The following SLC5A3 variants were observed in gnomAD, a reference collection of about 807,000 sequenced individuals.
The protein encoded by SLC5A3 is sodium/myo-inositol cotransporter.
A neutral mutation model predicts 43.2 loss-of-function variants in SLC5A3; 10 were observed. The observed-to-expected ratio is 0.23, with a 90% CI of 0.14 to 0.39. The LOEUF (loss-of-function observed/expected upper bound fraction) is 0.39, where lower values mean the gene tolerates loss of function less well. SLC5A3 is among the 10% of genes least tolerant of loss of function. SLC5A3 has a pLI of 1.00. For synonymous variants in SLC5A3, 349 were observed against 322.0 expected, an observed-to-expected ratio of 1.08 and a Z score of -0.90; for missense variants, 608 against 893.4, an observed-to-expected ratio of 0.68 and a Z score of 4.07.
chr21:34,088,108 CTGTGAGAACCCTTGCATT>C (rs1470110220), intron 1 of SLC5A3, among the ~76,000 whole-genome samples: 2 of 152,330 alleles, frequency 1.3e-5, no homozygotes, highest in East Asian at 3.9e-4. Context: ...ATAAATTTTA[CTGTGAGAACCCTTGCATT>C]TGTAGATTGT....
intron 1 of SLC5A3, among the ~76,000 whole-genome samples, chr21:34,078,952 T>G (rs1300795377): frequency 2.0e-5 from 3 of 152,254 alleles, no homozygotes; most frequent in African/African-American, 7.2e-5. Flanking sequence ...TAGTTACCTC[T>G]TAGGGGAATC....
In SLC5A3 at chr21:34,103,499, T is replaced by C; in HGVS notation, c.*6144T>C. 1.0e-6 allele frequency: 1 copy of C among 999,420 alleles called. No homozygotes were observed. The highest frequency in any genetic ancestry group is 1.2e-6 in the Non-Finnish European group (1 of 829,224). The allele number at this position is 999,420 out of a possible 1,614,324, so 61.9% of individuals were successfully genotyped here. On this transcript the variant is annotated 3_prime_UTR_variant, in exon 2 of 2. Transcript: ENST00000381151. Reference sequence around the variant, plus strand: ...ATTTTGTTGTGTTTCCATTGTAGGTTGATAGGTATATCGAGAACAGGTACG... The same window carrying C: ...ATTTTGTTGTGTTTCCATTGTAGGTCGATAGGTATATCGAGAACAGGTACG...
rs767165627 is a variant in SLC5A3 at position 34,106,062 on chromosome 21, A to G, written c.*8707A>G. 4.0e-6 allele frequency: 4 copies of G among 998,318 alleles called. No homozygotes were observed. Among genetic ancestry groups the G allele is most frequent in the South Asian group, 4.7e-5 (1 of 21,242 alleles). The allele number at this position is 998,318 out of a possible 1,614,324, so 61.8% of individuals were successfully genotyped here. On this transcript the variant is annotated 3_prime_UTR_variant, in exon 2 of 2. Coordinates refer to ENST00000381151, the MANE Select transcript of SLC5A3 (RefSeq NM_006933.7). ...GTTTTCATTACTGACTCTGTAAAATACACTGTTCTTTGTGTACTGTGTGTT... is the reference window on the plus strand; with the variant it reads ...GTTTTCATTACTGACTCTGTAAAATGCACTGTTCTTTGTGTACTGTGTGTT...
intron 1 of SLC5A3, among the ~76,000 whole-genome samples, chr21:34,086,083 G>A (rs1336299725): frequency 6.6e-6 from 1 of 152,116 alleles, no homozygotes; most frequent in Non-Finnish European, 1.5e-5. Context: ...CTCTTACTCT[G>A]TAATAGCTTC....
rs1037272392 is a variant in SLC5A3 at position 34,102,396 on chromosome 21, ACTT to A, written c.*5045_*5047del. 5.1e-5 allele frequency: 51 copies of A among 1,000,036 alleles called. No individual in the cohort carries two copies. In the African/African-American group the frequency reaches 8.4e-4, roughly 16 times the overall value. The allele number at this position is 1,000,036 out of a possible 1,614,324, so 61.9% of individuals were successfully genotyped here. On this transcript the variant is annotated 3_prime_UTR_variant, in exon 2 of 2. Coordinates refer to ENST00000381151, the MANE Select transcript of SLC5A3 (RefSeq NM_006933.7). ...AATTTCTGTTTCTGTTTCCATCTAA[ACTT>A]CTTTATAAAAAGAGGGATTAGTTTT...
In SLC5A3 at chr21:34,102,374, T is replaced by A. The variant is rs1979279473; in HGVS notation, c.*5019T>A. On this transcript the variant is annotated 3_prime_UTR_variant, in exon 2 of 2. Transcript: ENST00000381151. ...GGAATGTTGTGAGAATTGATGTAAT[T>A]TCTGTTTCTGTTTCCATCTAAACTT... 1.0e-6 allele frequency: 1 copy of A among 995,352 alleles called. No individual in the cohort carries two copies. Among genetic ancestry groups the A allele is most frequent in the African/African-American group, 1.8e-5 (1 of 57,070 alleles). 61.7% of individuals were successfully genotyped at this position (995,352 alleles called of 1,614,324 possible).
Position 34,105,383 on chromosome 21 carries a change from C to G in SLC5A3, c.*8028C>G, listed in dbSNP as rs943460082. On this transcript the variant is annotated 3_prime_UTR_variant, in exon 2 of 2. Coordinates refer to ENST00000381151, the MANE Select transcript of SLC5A3 (RefSeq NM_006933.7). ...TAGTAGTCTTCTTCAAGAAGAAAAC[C>G]AATTCTTTTTCTAATAATATCCTGT... The G allele has an allele frequency of 1.0e-6, 1 of 998,836 alleles. No homozygotes were observed. Among genetic ancestry groups the G allele is most frequent in the Non-Finnish European group, 1.2e-6 (1 of 828,996 alleles). The allele number at this position is 998,836 out of a possible 1,614,324, so 61.9% of individuals were successfully genotyped here. A position where few individuals can be genotyped will look rare whatever the true frequency, so the allele number is the denominator to read the frequency against.
intron 1 of SLC5A3, among the ~76,000 whole-genome samples, chr21:34,086,300 A>G (rs2148655501): frequency 6.6e-6 from 1 of 152,258 alleles, no homozygotes; most frequent in East Asian, 1.9e-4. Context: ...ATTTTAGAGA[A>G]AAGATTAATT....
intron 1 of SLC5A3, among the ~76,000 whole-genome samples, chr21:34,091,087 A>T (rs1978660275): frequency 6.6e-6 from 1 of 152,180 alleles, no homozygotes; most frequent in South Asian, 2.1e-4. Flanking sequence ...TGGCTAAGTG[A>T]ATATTTTTCA....
intron 1 of SLC5A3, among the ~76,000 whole-genome samples, chr21:34,076,798 T>C (rs1989342984): frequency 6.6e-6 from 1 of 152,226 alleles, no homozygotes; most frequent in South Asian, 2.1e-4. Flanking sequence ...CCAGTCTTAG[T>C]TCATATTTAT....
At chr21:34,087,788 G>A (rs984590141) in intron 1 of SLC5A3, among the ~76,000 whole-genome samples, 1 of 152,256 alleles carries the variant, frequency 6.6e-6, no homozygotes, top group Non-Finnish European at 1.5e-5. Flanking sequence ...GGAGACAAGA[G>A]GCTGGGACAG....
At chr21:34,092,125 C>CATATATAT (rs143732686) in intron 1 of SLC5A3, among the ~76,000 whole-genome samples, 13 of 149,354 alleles carry the variant, frequency 8.7e-5, no homozygotes, top group African/African-American at 3.2e-4. Context: ...GGAAGAAAAA[C>CATATATAT]ATATATATAT....
Position 34,101,174 on chromosome 21 carries a change from T to C in SLC5A3, c.*3819T>C. 3.0e-6 allele frequency: 3 copies of C among 1,000,164 alleles called. No individual in the cohort carries two copies. Among genetic ancestry groups the C allele is most frequent in the South Asian group, 9.4e-5 (2 of 21,276 alleles). The allele number at this position is 1,000,164 out of a possible 1,614,324, so 62.0% of individuals were successfully genotyped here. ...GATAAGTACCTGGGTGACACAGATA[T>C]TAGCCCGTTGGTAAAAGACAACAAA... On this transcript the variant is annotated 3_prime_UTR_variant, in exon 2 of 2. Coordinates refer to ENST00000381151, the MANE Select transcript of SLC5A3 (RefSeq NM_006933.7).
chr21:34,074,549 CA>C (rs763936723), intron 1 of SLC5A3, among the ~76,000 whole-genome samples: 35 of 152,202 alleles, frequency 2.3e-4, no homozygotes, highest in Non-Finnish European at 4.7e-4. Context: ...TGGCCAAGGA[CA>C]GGGGCCCGCG....
At position 34,102,869 on chromosome 21, in the gene SLC5A3, A is replaced by T. The variant is rs1051753187; in HGVS notation, c.*5514A>T. Reference sequence around the variant, plus strand: ...ATTCAGAGCTCTATCAATAAGAGGAATACATATTACAGTGAATTCGACAAC... The same window carrying T: ...ATTCAGAGCTCTATCAATAAGAGGATTACATATTACAGTGAATTCGACAAC... On this transcript the variant is annotated 3_prime_UTR_variant, in exon 2 of 2. Coordinates refer to ENST00000381151, the MANE Select transcript of SLC5A3 (RefSeq NM_006933.7). 24 of 1,000,012 alleles carry T rather than the reference A, an allele frequency of 2.4e-5. No individual in the cohort carries two copies. The highest frequency in any genetic ancestry group is 2.8e-5 in the Non-Finnish European group (23 of 829,930). 61.9% of individuals were successfully genotyped at this position (1,000,012 alleles called of 1,614,324 possible).
Position 34,104,266 on chromosome 21 carries a change from C to T in SLC5A3, c.*6911C>T. 2.0e-6 allele frequency: 2 copies of T among 1,000,128 alleles called. No homozygotes were observed. The highest frequency in any genetic ancestry group is 2.4e-6 in the Non-Finnish European group (2 of 829,912). 62.0% of individuals were successfully genotyped at this position (1,000,128 alleles called of 1,614,324 possible). A position where few individuals can be genotyped will look rare whatever the true frequency, so the allele number is the denominator to read the frequency against. ...CAATGGGGTGGAGAGGATTCTTTCA[C>T]TTGTCCCATTAACCCTCTTCTAGTC... On this transcript the variant is annotated 3_prime_UTR_variant, in exon 2 of 2. Coordinates refer to ENST00000381151, the MANE Select transcript of SLC5A3 (RefSeq NM_006933.7).
Position 34,097,043 on chromosome 21 carries a change from A to G in SLC5A3, c.1845A>G (p.Pro615=). ...LLVTCREEGN[P]VASLGHSEAE... ...TAACCTGCAGAGAGGAGGGCAACCC[A>G]GTGGCATCCTTAGGTCATTCAGAGG... Residue 615 remains proline, a synonymous_variant, in exon 2 of 2, where the codon CCA becomes CCG. Coordinates refer to ENST00000381151, the MANE Select transcript of SLC5A3 (RefSeq NM_006933.7). The G allele has an allele frequency of 6.2e-7, 1 of 1,614,152 alleles. No homozygotes were observed. The highest frequency in any genetic ancestry group is 1.1e-5 in the South Asian group (1 of 91,088).
In SLC5A3 at chr21:34,102,401, T is replaced by C. The variant is rs1430848382; in HGVS notation, c.*5046T>C. 1.0e-6 allele frequency: 1 copy of C among 999,902 alleles called. No individual in the cohort carries two copies. The highest frequency in any genetic ancestry group is 1.7e-5 in the African/African-American group (1 of 57,236). The allele number at this position is 999,902 out of a possible 1,614,324, so 61.9% of individuals were successfully genotyped here. On this transcript the variant is annotated 3_prime_UTR_variant, in exon 2 of 2. Coordinates refer to ENST00000381151, the MANE Select transcript of SLC5A3 (RefSeq NM_006933.7). ...CTGTTTCTGTTTCCATCTAAACTTC[T>C]TTATAAAAAGAGGGATTAGTTTTTT...
chr21:34,098,936 T>C lies in SLC5A3; in HGVS notation c.*1581T>C, dbSNP rs756027088. 1.1e-4 allele frequency: 106 copies of C among 986,546 alleles called. No individual in the cohort carries two copies. Among genetic ancestry groups the C allele is most frequent in the Non-Finnish European group, 1.2e-4 (99 of 817,560 alleles). 61.1% of individuals were successfully genotyped at this position (986,546 alleles called of 1,614,324 possible). On this transcript the variant is annotated 3_prime_UTR_variant, in exon 2 of 2. Coordinates refer to ENST00000381151, the MANE Select transcript of SLC5A3 (RefSeq NM_006933.7). ...TTAGATTGCATGATTTTACTAGGCT[T>C]GTATTTAGGGAAATTACTTTCATAA...
Sources: gnomAD v4.1 joint callset for allele counts (sites outside exome capture counted in the v4.1 genomes callset) on GRCh38, gnomAD v4.1.1 for gene constraint, MANE v1.5 for transcripts, NCBI Gene and HGNC (gene_info 2026-07-23, HGNC 2026-07-21) for gene names.